Variants in GCN1 observed in about 807,000 individuals in gnomAD.
GCN1 encodes the protein GCN1 activator of EIF2AK4, also known as stalled ribosome sensor GCN1.
In GCN1, 90 loss-of-function variants were observed where a neutral mutation model predicts 288.4. The ratio of observed to expected loss-of-function variants is 0.31; its 90% CI spans 0.26 to 0.37. The LOEUF (loss-of-function observed/expected upper bound fraction) is 0.37, where lower values mean the gene tolerates loss of function less well. Ranked by LOEUF, GCN1 falls within the 10% of genes least tolerant of loss-of-function variation. The pLI, the probability that GCN1 is intolerant of heterozygous loss-of-function variation, is 1.00. For missense variants in GCN1, 2,586 were observed against 3,419.9 expected, an observed-to-expected ratio of 0.76 and a Z score of 6.08; for synonymous variants, 1,386 against 1,420.2, an observed-to-expected ratio of 0.98 and a Z score of 0.54.
chr12:120,170,989 G>A lies in GCN1; in HGVS notation c.1367-668C>T, dbSNP rs148224550. ...AGCCTGACCAATATGGTGAAACCCT[G>A]TCTTAGCCGGGTGGGGTGGTGCACG... On this transcript the variant is annotated intron_variant, in intron 14 of 57. Transcript: ENST00000300648. Among the ~76,000 whole-genome samples the A allele has an allele frequency of 4.4e-3, 666 of 151,866 alleles. 9 individuals are homozygous for A. The highest frequency in any genetic ancestry group is 0.015 in the African/African-American group (639 of 41,400).
In GCN1 at chr12:120,155,669, C is replaced by T. The variant is rs756571299; in HGVS notation, c.3363G>A (p.Lys1121=). 6.2e-7 allele frequency: 1 copy of T among 1,614,062 alleles called. No homozygotes were observed. The highest frequency in any genetic ancestry group is 8.5e-7 in the Non-Finnish European group (1 of 1,179,944). ...MVLPAPDTDE[K]NGLNLLRRLW... ...GTCTCCGCAGAAGGTTCAGGCCATT[C>T]TTCTCATCAGTATCAGGTGCTGGCA... is the stretch of plus-strand genomic sequence containing the variant. Residue 1121 remains lysine, a synonymous_variant, in exon 29 of 58, where the codon AAG becomes AAA. Transcript: ENST00000300648. The surrounding 1 kb of genome is among the most constrained non-coding windows in gnomAD (Gnocchi z 4.9).
intron 33 of GCN1, 130 bp from the exon 34 acceptor site, chr12:120,151,521 A>G (rs11065035): frequency 0.19 from 170,538 of 880,216 alleles, 21,820 homozygotes; most frequent in East Asian, 0.53. Flanking sequence ...CTGCCTGCGG[A>G]TGTCACAGGG....
rs546012876 is a variant in GCN1 at position 120,161,269 on chromosome 12, CAGAG to C, written c.2436+217_2436+220del. On this transcript the variant is annotated intron_variant, in intron 22 of 57. Coordinates refer to ENST00000300648, the MANE Select transcript of GCN1 (RefSeq NM_006836.2). ...CACGTGCACTGTCGCCAGCACCCAG[CAGAG>C]AAAGAAACCGGTTTTGAGTTGTGGG... is the stretch of plus-strand genomic sequence containing the variant. Among the ~76,000 whole-genome samples the C allele has an allele frequency of 4.2e-3, 636 of 152,268 alleles. 3 individuals carry two copies. The highest frequency in any genetic ancestry group is 0.015 in the African/African-American group (611 of 41,540).
chr12:120,142,982 A>G lies in GCN1; in HGVS notation c.5496-41T>C, dbSNP rs1328427297. 1.6e-6 allele frequency: 2 copies of G among 1,247,130 alleles called. No individual in the cohort carries two copies. Among genetic ancestry groups the G allele is most frequent in the South Asian group, 1.2e-5 (1 of 83,592 alleles). The allele number at this position is 1,247,130 out of a possible 1,614,324, so 77.3% of individuals were successfully genotyped here. ...ACAACACAGTCACACAGCTGCAAGG[A>G]GTGGGCTCGGCACAACTGAGCACTG... On this transcript the variant is annotated intron_variant, in intron 42 of 57. Transcript: ENST00000300648. The surrounding 1 kb of genome is among the most constrained non-coding windows in gnomAD (Gnocchi z 4.9).
At position 120,153,986 on chromosome 12, in the gene GCN1, G is replaced by T; in HGVS notation, c.3702-77C>A. On this transcript the variant is annotated intron_variant, in intron 31 of 57. Coordinates refer to ENST00000300648, the MANE Select transcript of GCN1 (RefSeq NM_006836.2). This position sits in a 1 kb window ranked among gnomAD's most constrained non-coding sequence, Gnocchi z 4.4. ...GCCAGTGGAACCTCTGCTGGTGCAC[G>T]GCAAGGAGAGGGAGCTTGCCTGAGG... 1.6e-6 allele frequency: 2 copies of T among 1,274,046 alleles called. No homozygotes were observed. Among genetic ancestry groups the T allele is most frequent in the Non-Finnish European group, 2.2e-6 (2 of 905,616 alleles). The allele number at this position is 1,274,046 out of a possible 1,614,324, so 78.9% of individuals were successfully genotyped here.
Position 120,140,992 on chromosome 12 carries a change from C to G in GCN1, c.5861G>C (p.Arg1954Pro), listed in dbSNP as rs748366259. 1.1e-5 allele frequency: 18 copies of G among 1,613,732 alleles called. No individual in the cohort carries two copies. The highest frequency in any genetic ancestry group is 1.5e-5 in the Non-Finnish European group (18 of 1,179,888). The change falls in exon 45 of 58, where the codon CGG (arginine) becomes CCG (proline). Residue 1954 changes from arginine (R) to proline (P), a missense_variant. Physicochemically the swap from Arg to Pro is moderately radical, Grantham distance 103. Coordinates refer to ENST00000300648, the MANE Select transcript of GCN1 (RefSeq NM_006836.2). Reference protein sequence around the residue: ...IAARTLGDLVRKLGEKILPEI... With the variant: ...IAARTLGDLVPKLGEKILPEI... ...GGGGAGGATTTTCTCCCCTAACTTCCGCACAAGATCTCCCAATGTTCTCGC... is the reference window on the plus strand; with the variant it reads ...GGGGAGGATTTTCTCCCCTAACTTCGGCACAAGATCTCCCAATGTTCTCGC...
Position 120,149,105 on chromosome 12 carries a change from GA to G in GCN1, c.4546+500del, listed in dbSNP as rs10688981. On this transcript the variant is annotated intron_variant, in intron 36 of 57. Coordinates refer to ENST00000300648, the MANE Select transcript of GCN1 (RefSeq NM_006836.2). ...TTCAAAAAGAGCTTTCCTGGGGGGG[GA>G]AAACTTTAAAGCCAAAGAGGAGCTT... is the stretch of plus-strand genomic sequence containing the variant. Among the ~76,000 whole-genome samples, 5 of 151,804 alleles carry G rather than the reference GA, an allele frequency of 3.3e-5. 1 individual carries two copies. The highest frequency in any genetic ancestry group is 6.8e-3 in the Middle Eastern group (2 of 294).
In GCN1 at chr12:120,148,235, T is replaced by C. The variant is rs1452604601; in HGVS notation, c.4658A>G (p.Lys1553Arg). Residue 1553 changes from lysine to arginine, a missense_variant, in exon 37 of 58, where the codon AAA becomes AGA. Physicochemically the swap from Lys to Arg is conservative, Grantham distance 26. This residue lies in a region of GCN1 where 371 missense variants were observed against 572.6 expected (regional missense o/e 0.65). Coordinates refer to ENST00000300648, the MANE Select transcript of GCN1 (RefSeq NM_006836.2). The stretch of plus-strand genomic sequence containing the variant: ...CGCCTGCTGTCCAGCCTTCTGGACT[T>C]TGACATGGGAGTCGGTCAGCACCTC... ...LTEVLTDSHV[K>R]VQKAGQQALR... The C allele has an allele frequency of 9.9e-6, 16 of 1,614,002 alleles. No homozygotes were observed. The highest frequency in any genetic ancestry group is 1.4e-5 in the Non-Finnish European group (16 of 1,179,982).
chr12:120,175,208 C>A lies in GCN1; in HGVS notation c.1047G>T (p.Ser349=). Residue 349 remains serine (S), a synonymous_variant, in exon 12 of 58, where the codon TCG becomes TCT. Coordinates refer to ENST00000300648, the MANE Select transcript of GCN1 (RefSeq NM_006836.2). The part of the protein sequence containing the change: ...TKHLFAILGG[S]EGKLTVVAQK... Reference sequence around the variant, plus strand: ...GGGCTACAACAGTTAGTTTTCCTTCCGAGCCTGAGAAGAGAGACAGCAAAG... The same window carrying A: ...GGGCTACAACAGTTAGTTTTCCTTCAGAGCCTGAGAAGAGAGACAGCAAAG... 6.2e-7 allele frequency: 1 copy of A among 1,612,796 alleles called. No individual in the cohort carries two copies. The highest frequency in any genetic ancestry group is 8.5e-7 in the Non-Finnish European group (1 of 1,179,210).
Position 120,144,666 on chromosome 12 carries a change from C to T in GCN1, c.5325G>A (p.Val1775=). Residue 1775 remains valine, a synonymous_variant, in exon 41 of 58, where the codon GTG becomes GTA. Transcript: ENST00000300648. This position sits in a 1 kb window ranked among gnomAD's most constrained non-coding sequence, Gnocchi z 4.7. ...TGAGGATACAGGGGATGATGGGCCC[C>T]ACATAAGGAGTAAACTTGTCTCCAA... The part of the protein sequence containing the change: ...ITFGDKFTPY[V]GPIIPCILKA... 1.9e-6 allele frequency: 3 copies of T among 1,614,102 alleles called. No homozygotes were observed. The South Asian group carries it at 3.3e-5, about 18-fold the overall frequency.
intron 5 of GCN1, among the ~76,000 whole-genome samples, chr12:120,181,177 G>A (rs1878645093): frequency 6.6e-6 from 1 of 151,842 alleles, no homozygotes; most frequent in Non-Finnish European, 1.5e-5. Flanking sequence ...GTATAGAAAG[G>A]ATTACTGGCT....
At chr12:120,165,908 C>T (rs1878107286) in intron 16 of GCN1, among the ~76,000 whole-genome samples, 2 of 152,090 alleles carry the variant, frequency 1.3e-5, no homozygotes. Flanking sequence ...TCTCCTGCCT[C>T]AGCCTCCCGA....
rs772205411 is a variant in GCN1 at position 120,158,035 on chromosome 12, GA to G, written c.2906-6del. On this transcript the variant is annotated splice_polypyrimidine_tract_variant and splice_region_variant and intron_variant, in intron 25 of 57. Coordinates refer to ENST00000300648, the MANE Select transcript of GCN1 (RefSeq NM_006836.2). The surrounding 1 kb of genome is among the most constrained non-coding windows in gnomAD (Gnocchi z 4.3). ...GCGCGGACAAGGGCGCAGCACCTGTGAGAGCGAGAAGCAGATAAGATTCTGC... is the reference window on the plus strand; with the variant it reads ...GCGCGGACAAGGGCGCAGCACCTGTGGAGCGAGAAGCAGATAAGATTCTGC... 50 of 1,613,298 alleles carry G rather than the reference GA, an allele frequency of 3.1e-5. No individual in the cohort carries two copies. The South Asian group carries it at 5.3e-4, about 17-fold the overall frequency.
intron 22 of GCN1, among the ~76,000 whole-genome samples, chr12:120,161,036 C>T (rs1877909125): frequency 6.6e-6 from 1 of 152,146 alleles, no homozygotes; most frequent in African/African-American, 2.4e-5. Context: ...GAGAGAAGAG[C>T]AAACGCTGAG....
intron 4 of GCN1, 76 bp downstream of exon 4, chr12:120,184,036 T>G (rs1878747118): frequency 1.5e-6 from 2 of 1,322,118 alleles, no homozygotes. Flanking sequence ...CTCCCTCTGG[T>G]GCACAGTCAA....
intron 36 of GCN1, 42 bp downstream of exon 36, chr12:120,149,564 A>T (rs372473275): frequency 7.0e-7 from 1 of 1,431,378 alleles, no homozygotes; most frequent in Non-Finnish European, 9.9e-7. Flanking sequence ...GCTGGTTTTC[A>T]TAACAGGAAG....
intron 14 of GCN1, 22 bp from the exon 15 acceptor site, chr12:120,170,343 C>A (rs2139125704): frequency 6.2e-7 from 1 of 1,612,010 alleles, no homozygotes; most frequent in East Asian, 2.2e-5. Flanking sequence ...GGACAAGCAC[C>A]TTAAAGGACA....
chr12:120,143,483 G>A (rs911177691), intron 42 of GCN1, among the ~76,000 whole-genome samples: 1 of 152,052 alleles, frequency 6.6e-6, no homozygotes, highest in African/African-American at 2.4e-5. Context: ...TCGGAAGGCT[G>A]AGGCAGGAGA....
Position 120,158,707 on chromosome 12 carries a change from T to G in GCN1, c.2750-92A>C, listed in dbSNP as rs1281744905. ...AACAGGGGACCCAGTGCCTCATCCT[T>G]CTGACTTAAAAAAATATTTCTGCGG... On this transcript the variant is annotated intron_variant, in intron 24 of 57. Transcript: ENST00000300648. The surrounding 1 kb of genome is among the most constrained non-coding windows in gnomAD (Gnocchi z 4.3). The G allele has an allele frequency of 2.7e-6, 3 of 1,108,552 alleles. No homozygotes were observed. Among genetic ancestry groups the G allele is most frequent in the Non-Finnish European group, 3.8e-6 (3 of 784,716 alleles). The allele number at this position is 1,108,552 out of a possible 1,614,324, so 68.7% of individuals were successfully genotyped here.
Sources: gnomAD v4.1 joint callset for allele counts (sites outside exome capture counted in the v4.1 genomes callset) on GRCh38, gnomAD v4.1.1 for gene constraint, gnomAD v4.1.1 regional missense constraint, Gnocchi (gnomAD v3.1) non-coding constraint, MANE v1.5 for transcripts, NCBI Gene and HGNC (gene_info 2026-07-23, HGNC 2026-07-21) for gene names.